The following MORC2 variants were observed in gnomAD, a reference collection of about 807,000 sequenced individuals.
MORC2 encodes the protein MORC family CW-type zinc finger 2.
A neutral mutation model predicts 136.0 loss-of-function variants in MORC2; 30 were observed. That is an observed-to-expected ratio of 0.22 (90% CI 0.17 to 0.30). MORC2 has a LOEUF of 0.30. Ranked by LOEUF, MORC2 falls within the 10% of genes least tolerant of loss-of-function variation. The pLI, the probability that MORC2 is intolerant of heterozygous loss-of-function variation, is 1.00. For synonymous variants in MORC2, 439 were observed against 487.0 expected, an observed-to-expected ratio of 0.90 and a Z score of 1.30; for missense variants, 922 against 1,333.1, an observed-to-expected ratio of 0.69 and a Z score of 4.80.
chr22:30,935,074 T>C lies in MORC2; in HGVS notation c.1900A>G (p.Thr634Ala). 3 of 1,612,354 alleles carry C rather than the reference T, an allele frequency of 1.9e-6. No homozygotes were observed. Among genetic ancestry groups the C allele is most frequent in the Non-Finnish European group, 2.5e-6 (3 of 1,179,522 alleles). Residue 634 changes from threonine to alanine, a missense_variant, in exon 19 of 26, where the codon ACT becomes GCT. Physicochemically the swap from Thr to Ala is moderately conservative, Grantham distance 58. Coordinates refer to ENST00000397641, the MANE Select transcript of MORC2 (RefSeq NM_001303256.3). ...CGGGGCTGGCTGGCTGGTCTAGGAG[T>C]TGGCAAAGAAGGGGGTCTGCTGGGG... ...NAPSRPPSLP[T>A]PRPASQPRKA...
chr22:30,942,524 T>C (rs568595509), intron 6 of MORC2, among the ~76,000 whole-genome samples: 5 of 152,368 alleles, frequency 3.3e-5, no homozygotes, highest in African/African-American at 1.2e-4. Flanking sequence ...AGAAGTTCCC[T>C]GCTTGGGACG....
rs371661715 is a variant in MORC2, at chr22:30,949,955, A to G, written c.227-113T>C. ...AAGCAGGGGTGTGTATCTGCTGAAAACCTCTCTCCAAGGAAATTCACCACC... is the reference window on the plus strand; with the variant it reads ...AAGCAGGGGTGTGTATCTGCTGAAAGCCTCTCTCCAAGGAAATTCACCACC... On this transcript the variant is annotated intron_variant, in intron 4 of 25. Coordinates refer to ENST00000397641, the MANE Select transcript of MORC2 (RefSeq NM_001303256.3). 164 of 911,876 alleles carry G rather than the reference A, an allele frequency of 1.8e-4. No homozygotes were observed. The East Asian group carries it at 3.7e-3, about 20-fold the overall frequency. The allele number at this position is 911,876 out of a possible 1,614,324, so 56.5% of individuals were successfully genotyped here. A position where few individuals can be genotyped will look rare whatever the true frequency, so the allele number is the denominator to read the frequency against.
chr22:30,966,912 C>T (rs1488456676), intron 1 of MORC2, among the ~76,000 whole-genome samples: 1 of 152,170 alleles, frequency 6.6e-6, no homozygotes, highest in East Asian at 1.9e-4. Context: ...ATATCACAAA[C>T]ATGTTGTCTT....
chr22:30,960,160 T>G (rs2041022640), intron 1 of MORC2, among the ~76,000 whole-genome samples: 1 of 151,848 alleles, frequency 6.6e-6, no homozygotes, highest in Admixed American at 6.6e-5. Flanking sequence ...AGAGAGGAGG[T>G]TTCACCATGT....
At chr22:30,960,940 A>T (rs988361224) in intron 1 of MORC2, among the ~76,000 whole-genome samples, 7 of 139,108 alleles carry the variant, frequency 5.0e-5, no homozygotes, top group African/African-American at 1.8e-4. Flanking sequence ...ATCTCGGCTC[A>T]CTGCAACCTC....
rs368634374 is a variant in MORC2, at chr22:30,949,899, C to CA, written c.227-58dup. The CA allele has an allele frequency of 2.5e-4, 384 of 1,508,442 alleles. No homozygotes were observed. In the African/African-American group the frequency reaches 4.7e-3, roughly 18 times the overall value. The allele number at this position is 1,508,442 out of a possible 1,614,324, so 93.4% of individuals were successfully genotyped here. On this transcript the variant is annotated intron_variant, in intron 4 of 25. Transcript: ENST00000397641. ...GTTTGCATTTCTTTCCCAGGGTCCT[C>CA]AAAGTCAAAGGTCTGAGCCTTGTTA...
At chr22:30,964,822 C>T (rs1215104996) in intron 1 of MORC2, among the ~76,000 whole-genome samples, 1 of 152,168 alleles carries the variant, frequency 6.6e-6, no homozygotes, top group Non-Finnish European at 1.5e-5. Context: ...AAAGATGCTC[C>T]AGAATTTCCT....
Position 30,934,259 on chromosome 22 carries a change from C to G in MORC2, c.2194-68G>C. The G allele has an allele frequency of 6.2e-7, 1 of 1,603,010 alleles. No individual in the cohort carries two copies. The highest frequency in any genetic ancestry group is 8.5e-7 in the Non-Finnish European group (1 of 1,173,998). ...CCTCTAAGGAGCAGGAAGATTTCAT[C>G]TAGCCTAAAGGAGTCGTTCCAAGAG... On this transcript the variant is annotated intron_variant, in intron 19 of 25. Coordinates refer to ENST00000397641, the MANE Select transcript of MORC2 (RefSeq NM_001303256.3). This position sits in a 1 kb window ranked among gnomAD's most constrained non-coding sequence, Gnocchi z 4.4.
Position 30,932,252 on chromosome 22 carries a change from T to TAGCA in MORC2, c.2841+103_2841+106dup. ...TGAGATGGAGCACACAGCTGAGAGC[T>TAGCA]AGCAACTGCAACAAGCGTAACAATC... On this transcript the variant is annotated intron_variant, in intron 24 of 25. Coordinates refer to ENST00000397641, the MANE Select transcript of MORC2 (RefSeq NM_001303256.3). The surrounding 1 kb of genome is among the most constrained non-coding windows in gnomAD (Gnocchi z 4.4). The TAGCA allele has an allele frequency of 1.0e-6, 1 of 969,790 alleles. No homozygotes were observed. Among genetic ancestry groups the TAGCA allele is most frequent in the Non-Finnish European group, 1.6e-6 (1 of 633,744 alleles). The allele number at this position is 969,790 out of a possible 1,614,324, so 60.1% of individuals were successfully genotyped here. A position where few individuals can be genotyped will look rare whatever the true frequency, so the allele number is the denominator to read the frequency against.
chr22:30,956,184 C>T (rs956110680), intron 3 of MORC2, among the ~76,000 whole-genome samples: 1 of 152,134 alleles, frequency 6.6e-6, no homozygotes, highest in Admixed American at 6.6e-5. Flanking sequence ...AGGAGAAGAT[C>T]TTACTACAAA....
chr22:30,933,555 G>C, intron 20 of MORC2, 35 bp from the exon 21 acceptor site: 1 of 1,610,052 alleles, frequency 6.2e-7, no homozygotes, highest in Non-Finnish European at 8.5e-7. Flanking sequence ...GGCATCCCCA[G>C]TGCCCCCCAA....
intron 20 of MORC2, 67 bp from the exon 21 acceptor site, chr22:30,933,587 G>A: frequency 1.3e-6 from 2 of 1,508,636 alleles, no homozygotes. Flanking sequence ...TGCCTTACTG[G>A]CCACCCGGGG....
In MORC2 at chr22:30,937,946, AC is replaced by A; in HGVS notation, c.1237del (p.Val413LeufsTer91). 6.2e-7 allele frequency: 1 copy of A among 1,613,398 alleles called. No individual in the cohort carries two copies. The highest frequency in any genetic ancestry group is 8.5e-7 in the Non-Finnish European group (1 of 1,179,794). On this transcript the variant is annotated frameshift_variant, in exon 14 of 26. Transcript: ENST00000397641. LOFTEE classifies it high-confidence loss of function. The surrounding 1 kb of genome is among the most constrained non-coding windows in gnomAD (Gnocchi z 4.7). ...GGMACGGVVG[V>X]VDVPYLVLEP... ...CAGGACCAGGTAGGGCACATCAACAACCCCAACAACCCCGCCACATGCCCTA... is the reference window on the plus strand; with the variant it reads ...CAGGACCAGGTAGGGCACATCAACAACCCAACAACCCCGCCACATGCCCTA...
At chr22:30,966,999 T>G in intron 1 of MORC2, 1 of 769,868 alleles carries the variant, frequency 1.3e-6, no homozygotes, top group East Asian at 1.3e-4. Flanking sequence ...AGTGGGTTCT[T>G]CAGAGACTGG....
rs149110760 is a variant in MORC2 at position 30,926,821 on chromosome 22, G to T, written c.3081C>A (p.Leu1027=). 2 of 1,613,654 alleles carry T rather than the reference G, an allele frequency of 1.2e-6. No homozygotes were observed. Among genetic ancestry groups the T allele is most frequent in the Non-Finnish European group, 1.7e-6 (2 of 1,179,878 alleles). The change falls in exon 26 of 26, where the codon CTC becomes CTA. Residue 1027 remains leucine, a synonymous_variant. Coordinates refer to ENST00000397641, the MANE Select transcript of MORC2 (RefSeq NM_001303256.3). ...DDELDAYIED[L]ITKGD ...CCTGCCTTCAGTCCCCCTTGGTGAT[G>T]AGGTCCTCAATGTAGGCGTCCAGCT...
chr22:30,967,736 A>C (rs756301664), intron 1 of MORC2, 86 bp downstream of exon 1: 58 of 1,539,868 alleles, frequency 3.8e-5, no homozygotes, highest in Non-Finnish European at 4.6e-5. Flanking sequence ...AAAAGTGAAA[A>C]AGCAAAATTT....
At position 30,940,782 on chromosome 22, in the gene MORC2, T is replaced by C. The variant is rs1300486034; in HGVS notation, c.880A>G (p.Lys294Glu). The C allele has an allele frequency of 6.2e-7, 1 of 1,614,114 alleles. No homozygotes were observed. Residue 294 changes from lysine (K) to glutamate (E), a missense_variant, in exon 10 of 26, where the codon AAA (lysine) becomes GAA (glutamate). Lys to Glu is a moderately conservative substitution (Grantham distance 56, BLOSUM62 1). Coordinates refer to ENST00000397641, the MANE Select transcript of MORC2 (RefSeq NM_001303256.3). ...FKTRAEQEVKKAEHVARIAEE... is the reference protein window; with the variant it reads ...FKTRAEQEVKEAEHVARIAEE... ...CCAATCCTTGCTACGTGCTCTGCTT[T>C]CTTCACCTCCTGCTCCGCACGGGTC...
rs756912389 is a variant in MORC2, at chr22:30,936,519, C to A, written c.1729G>T (p.Ala577Ser). ...KIRQQQEKLEALQKTTPIRSQ... is the reference protein window; with the variant it reads ...KIRQQQEKLESLQKTTPIRSQ... ...GACCATGACCCACGTACCTGAAGGGCCTCCAGCTTCTCCTGCTGCTGGCGA... is the reference window on the plus strand; with the variant it reads ...GACCATGACCCACGTACCTGAAGGGACTCCAGCTTCTCCTGCTGCTGGCGA... Residue 577 changes from alanine (A) to serine (S), a missense_variant, in exon 17 of 26, where the codon GCC (alanine) becomes TCC (serine). Ala to Ser is a moderately conservative substitution (Grantham distance 99). This residue lies in a region of MORC2 where 119 missense variants were observed against 202.7 expected (regional missense o/e 0.59). Transcript: ENST00000397641. The A allele has an allele frequency of 1.4e-5, 22 of 1,614,028 alleles. No homozygotes were observed. The South Asian group carries it at 2.3e-4, about 17-fold the overall frequency.
chr22:30,926,883 C>T lies in MORC2; in HGVS notation c.3031-12G>A, dbSNP rs2040492132. On this transcript the variant is annotated splice_polypyrimidine_tract_variant and intron_variant, in intron 25 of 25. Coordinates refer to ENST00000397641, the MANE Select transcript of MORC2 (RefSeq NM_001303256.3). ...TTGATGTCTATGTCCTGGAATAGAG[C>T]AGGGTAGGGATCAACTGGGGGCCAG... 23 of 1,611,344 alleles carry T rather than the reference C, an allele frequency of 1.4e-5. No homozygotes were observed. The highest frequency in any genetic ancestry group is 2.0e-5 in the Non-Finnish European group (23 of 1,178,096).
Sources: allele counts gnomAD v4.1 joint callset (sites outside exome capture counted in the v4.1 genomes callset), GRCh38; gene constraint gnomAD v4.1.1; regional missense constraint gnomAD v4.1.1; non-coding constraint Gnocchi (gnomAD v3.1); transcripts MANE v1.5; gene names NCBI Gene and HGNC (gene_info 2026-07-23, HGNC 2026-07-21).